The following FHIT variants were observed in gnomAD, a reference collection of about 807,000 sequenced individuals.
The protein encoded by FHIT is fragile histidine triad diadenosine triphosphatase.
A neutral mutation model predicts 17.9 loss-of-function variants in FHIT; 19 were observed. The observed-to-expected ratio is 1.06, with a 90% CI of 0.74 to 1.56. The LOEUF (loss-of-function observed/expected upper bound fraction) is 1.56. FHIT is among the 40% of genes most tolerant of loss of function. FHIT has a pLI of 0.00. For synonymous variants in FHIT, 81 were observed against 69.7 expected (o/e 1.16, Z -0.81); for missense variants, 248 against 189.2 (o/e 1.31, Z -1.82).
intron 2 of FHIT, among the ~76,000 whole-genome samples, chr3:61,139,887 C>G (rs1259939260): frequency 6.6e-6 from 1 of 152,096 alleles, no homozygotes; most frequent in Non-Finnish European, 1.5e-5. Context: ...CTGAAATTCA[C>G]TTTTAGAAAA....
intron 1 of FHIT, among the ~76,000 whole-genome samples, chr3:61,238,538 TAAG>T (rs1047748747): frequency 9.9e-5 from 15 of 152,256 alleles, no homozygotes; most frequent in Non-Finnish European, 4.4e-5. Flanking sequence ...GTAAAAAGTA[TAAG>T]AAGGAAGCAA....
At chr3:60,534,711 T>A (rs907826021) in intron 5 of FHIT, among the ~76,000 whole-genome samples, 3 of 152,108 alleles carry the variant, frequency 2.0e-5, no homozygotes, top group African/African-American at 7.2e-5. Flanking sequence ...TGAAGTGTGT[T>A]AATTTTAATA....
chr3:60,029,903 G>GTC (rs1553655767), intron 5 of FHIT, among the ~76,000 whole-genome samples: 47 of 145,878 alleles, frequency 3.2e-4, no homozygotes, highest in African/African-American at 1.2e-3. Flanking sequence ...GTGTCTGTGT[G>GTC]TGTGTGTGTG....
At chr3:59,765,764 G>A (rs1364310916) in intron 8 of FHIT, among the ~76,000 whole-genome samples, 1 of 152,138 alleles carries the variant, frequency 6.6e-6, no homozygotes, top group African/African-American at 2.4e-5. Flanking sequence ...ATGTGTACAA[G>A]AAGACATGCA....
intron 8 of FHIT, among the ~76,000 whole-genome samples, chr3:59,802,634 T>G (rs1034291325): frequency 6.6e-6 from 1 of 152,110 alleles, no homozygotes; most frequent in Non-Finnish European, 1.5e-5. Context: ...CTGCCTTCCT[T>G]GACTCTCTTT....
At chr3:60,490,268 T>C (rs576705261) in intron 5 of FHIT, among the ~76,000 whole-genome samples, 3 of 152,160 alleles carry the variant, frequency 2.0e-5, no homozygotes, top group Admixed American at 6.5e-5. Flanking sequence ...AGAAGGTAGT[T>C]AAAAAGATGT....
intron 8 of FHIT, among the ~76,000 whole-genome samples, chr3:59,793,258 G>T (rs987140714): frequency 1.3e-5 from 2 of 152,142 alleles, no homozygotes; most frequent in Non-Finnish European, 2.9e-5. Context: ...CCTATTGTAG[G>T]TCATTAAAAA....
chr3:60,137,576 G>A (rs905354926), intron 5 of FHIT, among the ~76,000 whole-genome samples: 4 of 152,158 alleles, frequency 2.6e-5, no homozygotes, highest in Non-Finnish European at 5.9e-5. Flanking sequence ...TGATTCAGGT[G>A]GAACTGATCA....
At chr3:61,238,430 A>G (rs2106907468) in intron 1 of FHIT, among the ~76,000 whole-genome samples, 1 of 152,364 alleles carries the variant, frequency 6.6e-6, no homozygotes, top group East Asian at 1.9e-4. Flanking sequence ...CAGGGGAGAC[A>G]GCCATCAGCA....
intron 3 of FHIT, among the ~76,000 whole-genome samples, chr3:60,908,562 A>T (rs782770814): frequency 8.5e-5 from 13 of 152,168 alleles, no homozygotes; most frequent in Non-Finnish European, 1.5e-4. Flanking sequence ...ACAGAATGGA[A>T]AAATAGACAC....
rs527658221 is a variant in FHIT at position 61,099,808 on chromosome 3, CTTCT to C, written c.-163-57713_-163-57710del. Among the ~76,000 whole-genome samples the C allele has an allele frequency of 2.8e-4, 43 of 151,922 alleles. No homozygotes were observed. The East Asian group carries it at 7.7e-3, about 27-fold the overall frequency. On this transcript the variant is annotated intron_variant, in intron 2 of 9. Transcript: ENST00000492590. ...TGCTTATTTGAATCTTCTCTCTTTTCTTCTTTATTAGTCTAGCTAGTGGTCTATT... is the reference window on the plus strand; with the variant it reads ...TGCTTATTTGAATCTTCTCTCTTTTCTTATTAGTCTAGCTAGTGGTCTATT...
At chr3:60,741,189 G>A (rs1293451830) in intron 4 of FHIT, among the ~76,000 whole-genome samples, 1 of 152,178 alleles carries the variant, frequency 6.6e-6, no homozygotes, top group African/African-American at 2.4e-5. Flanking sequence ...TGGGGTGGGA[G>A]GAAAACCTTC....
chr3:59,864,155 G>T (rs917575349), intron 8 of FHIT, among the ~76,000 whole-genome samples: 4 of 152,070 alleles, frequency 2.6e-5, no homozygotes, highest in Admixed American at 1.3e-4. Context: ...CCCACAAAAG[G>T]CATATGATAT....
intron 5 of FHIT, among the ~76,000 whole-genome samples, chr3:60,094,175 G>A (rs1010823221): frequency 6.6e-6 from 1 of 152,272 alleles, no homozygotes; most frequent in East Asian, 1.9e-4. Context: ...CCCATCTCAA[G>A]TTCTCAATCA....
intron 5 of FHIT, among the ~76,000 whole-genome samples, chr3:60,404,455 C>T (rs1701774857): frequency 6.6e-6 from 1 of 152,126 alleles, no homozygotes; most frequent in African/African-American, 2.4e-5. Context: ...TCTTTCTGAC[C>T]TAGAGAAAAA....
At position 59,748,695 on chromosome 3, in the gene FHIT, C is replaced by T. The variant is rs1244599233; in HGVS notation, c.*890G>A. Among the ~76,000 whole-genome samples, 1 of 152,064 alleles carries T rather than the reference C, an allele frequency of 6.6e-6. No homozygotes were observed. The highest frequency in any genetic ancestry group is 1.9e-4 in the East Asian group (1 of 5,178). ...TGGCTAGAGAGGTGAGCTCTTTTAG[C>T]AAGGAGGGCAGTACACAGACTAAGA... On this transcript the variant is annotated 3_prime_UTR_variant, in exon 10 of 10. Coordinates refer to ENST00000492590, the MANE Select transcript of FHIT (RefSeq NM_002012.4).
At chr3:60,037,468 C>A (rs542606837) in intron 5 of FHIT, among the ~76,000 whole-genome samples, 1 of 150,676 alleles carries the variant, frequency 6.6e-6, no homozygotes, top group African/African-American at 2.4e-5. Context: ...CTGCAACCTC[C>A]GCCTCCCAGG....
intron 4 of FHIT, among the ~76,000 whole-genome samples, chr3:60,803,519 G>C (rs960488268): frequency 6.6e-6 from 1 of 152,196 alleles, no homozygotes; most frequent in Non-Finnish European, 1.5e-5. Flanking sequence ...ACTTGGAAGA[G>C]TATAAAAGGT....
At chr3:60,450,363 A>G (rs188401888) in intron 5 of FHIT, among the ~76,000 whole-genome samples, 1 of 151,972 alleles carries the variant, frequency 6.6e-6, no homozygotes, top group East Asian at 1.9e-4. Flanking sequence ...TGGTACATAA[A>G]TATATATATA....
Sources: gnomAD v4.1 joint callset for allele counts (sites outside exome capture counted in the v4.1 genomes callset) on GRCh38, gnomAD v4.1.1 for gene constraint, MANE v1.5 for transcripts, NCBI Gene and HGNC (gene_info 2026-07-23, HGNC 2026-07-21) for gene names.